BTLA: variants seen among roughly 807,000 people sequenced by gnomAD.
BTLA encodes B- and T-lymphocyte attenuator.
BTLA carries 11 observed loss-of-function variants against 25.0 expected under a neutral mutation model. The observed-to-expected ratio is 0.44, with a 90% CI of 0.28 to 0.73. The LOEUF (loss-of-function observed/expected upper bound fraction) is 0.73. Ranked by LOEUF, BTLA falls within the 30% of genes least tolerant of loss-of-function variation. BTLA has a pLI of 0.15. For synonymous variants in BTLA, 104 were observed against 119.8 expected (o/e 0.87, Z 0.86); for missense variants, 282 against 332.8 (o/e 0.85, Z 1.19).
chr3:112,473,157 G>A (rs1050908678), intron 2 of BTLA, among the ~76,000 whole-genome samples: 22 of 151,608 alleles, frequency 1.5e-4, no homozygotes, highest in African/African-American at 4.8e-4. Context: ...AGAGAAACAA[G>A]GTAAATAACT....
At chr3:112,472,636 G>A (rs2082268963) in intron 2 of BTLA, among the ~76,000 whole-genome samples, 1 of 152,114 alleles carries the variant, frequency 6.6e-6, no homozygotes, top group Non-Finnish European at 1.5e-5. Flanking sequence ...GGAGACTTCG[G>A]TGAACCGAGA....
At chr3:112,492,302 A>C (rs2082384509) in intron 1 of BTLA, among the ~76,000 whole-genome samples, 1 of 152,196 alleles carries the variant, frequency 6.6e-6, no homozygotes, top group Non-Finnish European at 1.5e-5. Context: ...ATTTAGAGAG[A>C]CTTTGATTGC....
At chr3:112,478,211 C>T (rs2082299433) in intron 2 of BTLA, among the ~76,000 whole-genome samples, 1 of 151,974 alleles carries the variant, frequency 6.6e-6, no homozygotes, top group Admixed American at 6.6e-5. Context: ...TGTAGATCAC[C>T]TTGGGGAATA....
At chr3:112,491,436 A>G (rs2082379477) in intron 1 of BTLA, among the ~76,000 whole-genome samples, 2 of 152,166 alleles carry the variant, frequency 1.3e-5, no homozygotes, top group African/African-American at 4.8e-5. Context: ...GACCCTCACA[A>G]TGATTTTATG....
At chr3:112,483,955 A>G (rs1233685911) in intron 1 of BTLA, among the ~76,000 whole-genome samples, 2 of 148,716 alleles carry the variant, frequency 1.3e-5, no homozygotes, top group African/African-American at 5.2e-5. Flanking sequence ...GCAACACAGT[A>G]AGACTCTGTC....
intron 1 of BTLA, among the ~76,000 whole-genome samples, chr3:112,496,260 T>C (rs146406595): frequency 3.9e-3 from 598 of 152,230 alleles, no homozygotes; most frequent in Middle Eastern, 0.017. Context: ...GATCTGCCCA[T>C]GAAGGGAAGA....
At chr3:112,471,016 C>T (rs888117602) in intron 3 of BTLA, among the ~76,000 whole-genome samples, 196 bp downstream of exon 3, 1 of 152,194 alleles carries the variant, frequency 6.6e-6, no homozygotes, top group African/African-American at 2.4e-5. Flanking sequence ...GCATGCCTCT[C>T]CCGTGACTCA....
chr3:112,486,033 C>T (rs1445288066), intron 1 of BTLA, among the ~76,000 whole-genome samples: 5 of 152,196 alleles, frequency 3.3e-5, no homozygotes, highest in African/African-American at 1.2e-4. Flanking sequence ...AGGAGAATGG[C>T]GTGAACCCGC....
At chr3:112,490,689 A>C (rs1328981030) in intron 1 of BTLA, among the ~76,000 whole-genome samples, 1 of 150,884 alleles carries the variant, frequency 6.6e-6, no homozygotes, top group Non-Finnish European at 1.5e-5. Flanking sequence ...ATTAATGCCA[A>C]GAATACACAG....
intron 3 of BTLA, among the ~76,000 whole-genome samples, chr3:112,470,738 C>T (rs973305305): frequency 3.3e-5 from 5 of 152,100 alleles, no homozygotes; most frequent in African/African-American, 9.7e-5. Flanking sequence ...ATAGAAAATA[C>T]AGACATATTA....
intron 1 of BTLA, among the ~76,000 whole-genome samples, chr3:112,491,000 G>T (rs2107336061): frequency 6.6e-6 from 1 of 152,296 alleles, no homozygotes; most frequent in Non-Finnish European, 1.5e-5. Context: ...TTGAGCCACT[G>T]AAGACTTTAA....
intron 1 of BTLA, among the ~76,000 whole-genome samples, chr3:112,482,911 C>A (rs1172949888): frequency 1.3e-5 from 2 of 152,130 alleles, no homozygotes; most frequent in Non-Finnish European, 2.9e-5. Flanking sequence ...TCAAGTGAAA[C>A]TCTTGTTTCC....
At chr3:112,485,734 CT>C (rs1414308574) in intron 1 of BTLA, among the ~76,000 whole-genome samples, 7 of 152,122 alleles carry the variant, frequency 4.6e-5, no homozygotes, top group Non-Finnish European at 1.0e-4. Flanking sequence ...CTTATTATCT[CT>C]GCTGTTTTTC....
At position 112,499,371 on chromosome 3, in the gene BTLA, T is replaced by C. The variant is rs1323480300; in HGVS notation, c.-13A>G. On this transcript the variant is annotated 5_prime_UTR_variant, in exon 1 of 5. Coordinates refer to ENST00000334529, the MANE Select transcript of BTLA (RefSeq NM_181780.4). ...GCAATGTCTTCATTTCCTGCACATATCAGTGATGGAAAAACTGCTCAAGTA... is the reference window on the plus strand; with the variant it reads ...GCAATGTCTTCATTTCCTGCACATACCAGTGATGGAAAAACTGCTCAAGTA... 1.2e-6 allele frequency: 2 copies of C among 1,611,998 alleles called. No homozygotes were observed. The highest frequency in any genetic ancestry group is 1.7e-6 in the Non-Finnish European group (2 of 1,178,948).
At chr3:112,468,818 T>C (rs556024937) in intron 4 of BTLA, among the ~76,000 whole-genome samples, 2 of 152,170 alleles carry the variant, frequency 1.3e-5, no homozygotes, top group African/African-American at 4.8e-5. Context: ...TAATGAAAAC[T>C]TAATAGAAGT....
chr3:112,480,900 TA>T (rs1559826809), intron 1 of BTLA, among the ~76,000 whole-genome samples: 1 of 152,194 alleles, frequency 6.6e-6, no homozygotes, highest in Non-Finnish European at 1.5e-5. Context: ...TTCAAAACAC[TA>T]AATTCAGAGT....
chr3:112,478,267 T>C (rs1039781935), intron 2 of BTLA, among the ~76,000 whole-genome samples: 4 of 152,162 alleles, frequency 2.6e-5, no homozygotes, highest in Non-Finnish European at 4.4e-5. Flanking sequence ...GAATACAGAA[T>C]GTCTTTGCAT....
chr3:112,498,901 T>G (rs1267722104), intron 1 of BTLA, among the ~76,000 whole-genome samples: 5 of 152,192 alleles, frequency 3.3e-5, no homozygotes, highest in African/African-American at 1.2e-4. Context: ...TCTACTGCAC[T>G]CAGTTTGGAA....
chr3:112,467,927 C>T (rs2082239079), intron 4 of BTLA, among the ~76,000 whole-genome samples: 3 of 152,226 alleles, frequency 2.0e-5, no homozygotes, highest in Non-Finnish European at 2.9e-5. Flanking sequence ...TTCCCTGTCT[C>T]TCATCCCAAG....
Sources: allele counts gnomAD v4.1 joint callset (sites outside exome capture counted in the v4.1 genomes callset), GRCh38; gene constraint gnomAD v4.1.1; transcripts MANE v1.5; gene names NCBI Gene and HGNC (gene_info 2026-07-23, HGNC 2026-07-21).